Variants in ROBO2 observed in about 807,000 individuals in gnomAD.
The protein encoded by ROBO2 is roundabout homolog 2.
A neutral mutation model predicts 160.8 loss-of-function variants in ROBO2; 53 were observed. That is an observed-to-expected ratio of 0.33 (90% CI 0.26 to 0.41). The LOEUF is 0.41. Among genes scored for constraint, ROBO2 ranks in the 10% least tolerant of loss-of-function variants. ROBO2 has a pLI of 1.00. For synonymous variants in ROBO2, 664 were observed against 611.7 expected (o/e 1.09, Z -1.26); for missense variants, 1,577 against 1,722.4 (o/e 0.92, Z 1.49).
intron 2 of ROBO2, among the ~76,000 whole-genome samples, chr3:77,331,683 C>CTATT (rs1193802552): frequency 2.1e-4 from 29 of 136,232 alleles, no homozygotes; most frequent in South Asian, 4.9e-4. Flanking sequence ...CTTGAAAGGC[C>CTATT]TATTTATTTA....
chr3:77,323,064 T>C (rs111713878), intron 2 of ROBO2, among the ~76,000 whole-genome samples: 39 of 107,778 alleles, frequency 3.6e-4, no homozygotes, highest in Admixed American at 1.1e-3. Flanking sequence ...TATATTATAT[T>C]ATATTATGGA....
intron 2 of ROBO2, among the ~76,000 whole-genome samples, chr3:77,190,824 A>G (rs1375902255): frequency 6.6e-6 from 1 of 152,056 alleles, no homozygotes; most frequent in African/African-American, 2.4e-5. Context: ...AACTTCTAAG[A>G]TGGTAGTAAA....
chr3:77,037,161 C>T (rs2063686441), upstream of ROBO2, among the ~76,000 whole-genome samples: 1 of 152,064 alleles, frequency 6.6e-6, no homozygotes, highest in Non-Finnish European at 1.5e-5. Context: ...GATGTTTGGT[C>T]ATAATCCTAA....
chr3:76,157,058 T>C (rs932104898), intron 2 of ROBO2, among the ~76,000 whole-genome samples: 6 of 152,284 alleles, frequency 3.9e-5, no homozygotes, highest in East Asian at 3.9e-4. Context: ...AAAATTCTTA[T>C]TTATGAACAG....
intron 23 of ROBO2, among the ~76,000 whole-genome samples, chr3:77,628,717 G>C (rs1024688762): frequency 1.3e-5 from 2 of 152,168 alleles, no homozygotes; most frequent in Non-Finnish European, 2.9e-5. Context: ...ATCCCAGACA[G>C]AGAGGCAGAG....
chr3:76,059,916 C>T (rs1392941205), intron 2 of ROBO2, among the ~76,000 whole-genome samples: 1 of 152,034 alleles, frequency 6.6e-6, no homozygotes, highest in African/African-American at 2.4e-5. Flanking sequence ...AATCCTTTCC[C>T]CATTTCTTGT....
At chr3:77,237,186 T>TTC (rs2088140196) in intron 2 of ROBO2, among the ~76,000 whole-genome samples, 2 of 148,470 alleles carry the variant, frequency 1.3e-5, no homozygotes, top group Non-Finnish European at 3.0e-5. Context: ...GACCTTTCTT[T>TTC]TTTTTTTTTT....
intron 2 of ROBO2, among the ~76,000 whole-genome samples, chr3:77,328,383 TG>T (rs1170602413): frequency 2.0e-5 from 3 of 152,216 alleles, no homozygotes; most frequent in Non-Finnish European, 4.4e-5. Flanking sequence ...TGTAAAGTTT[TG>T]TAAGCTGGAG....
chr3:77,193,528 A>G (rs73098062), intron 2 of ROBO2, among the ~76,000 whole-genome samples: 29,347 of 151,142 alleles, frequency 0.19, 3,273 homozygotes, highest in Middle Eastern at 0.31. Context: ...AAGTGATTCC[A>G]ACAGATAACT....
At chr3:75,966,705 A>G (rs780354124) in intron 2 of ROBO2, among the ~76,000 whole-genome samples, 4 of 151,720 alleles carry the variant, frequency 2.6e-5, no homozygotes, top group South Asian at 2.1e-4. Context: ...ATAGCTACAC[A>G]TAACAGGCAT....
At chr3:76,789,087 A>AC (rs1021347145) in intron 2 of ROBO2, among the ~76,000 whole-genome samples, 1 of 151,484 alleles carries the variant, frequency 6.6e-6, no homozygotes, top group African/African-American at 2.4e-5. Context: ...CAGTGGCTTC[A>AC]CATAGGTTAG....
At chr3:76,031,558 A>G (rs1011473230) in intron 2 of ROBO2, among the ~76,000 whole-genome samples, 2 of 152,122 alleles carry the variant, frequency 1.3e-5, no homozygotes, top group Non-Finnish European at 2.9e-5. Context: ...ATTTATTAAG[A>G]GTTTTTAGCA....
intron 2 of ROBO2, among the ~76,000 whole-genome samples, chr3:76,488,690 C>T (rs2079632008): frequency 6.6e-6 from 1 of 151,974 alleles, no homozygotes; most frequent in Non-Finnish European, 1.5e-5. Flanking sequence ...GGAGTGATAT[C>T]CCACCGTATC....
chr3:76,209,326 T>A (rs1319687800), intron 2 of ROBO2, among the ~76,000 whole-genome samples: 2 of 152,186 alleles, frequency 1.3e-5, no homozygotes, highest in African/African-American at 2.4e-5. Context: ...TCTTATTAAC[T>A]AAGGAATTGA....
intron 2 of ROBO2, among the ~76,000 whole-genome samples, chr3:77,028,217 A>G (rs1240174701): frequency 1.3e-5 from 2 of 152,150 alleles, no homozygotes; most frequent in Non-Finnish European, 2.9e-5. Context: ...TCAGAAAACA[A>G]TGATTAACAT....
At chr3:76,256,357 T>TATACAC (rs1553689363) in intron 2 of ROBO2, among the ~76,000 whole-genome samples, 3 of 106,618 alleles carry the variant, frequency 2.8e-5, no homozygotes, top group Non-Finnish European at 3.7e-5. Context: ...CTCTCTCACA[T>TATACAC]ACACACACAC....
At position 77,268,828 on chromosome 3, in the gene ROBO2, A is replaced by C. The variant is rs556572633; in HGVS notation, c.388+170488A>C. 8.5e-5 allele frequency among the ~76,000 whole-genome samples: 13 copies of C among 152,324 alleles called. No homozygotes were observed. The South Asian group carries it at 2.7e-3, about 32-fold the overall frequency. ...CTCTTGGTAGATTTAGCAGCAATTT[A>C]GAGAGCCTGGGGGAGTGTAGGAAGA... On this transcript the variant is annotated intron_variant, in intron 2 of 25. Transcript: ENST00000461745.
At chr3:77,381,114 G>A (rs1436564618) in intron 2 of ROBO2, among the ~76,000 whole-genome samples, 1 of 152,200 alleles carries the variant, frequency 6.6e-6, no homozygotes, top group Non-Finnish European at 1.5e-5. Context: ...AGGAGATCAA[G>A]ACCATCCTGG....
chr3:75,907,934 G>A (rs894875106), intron 1 of ROBO2, among the ~76,000 whole-genome samples: 1 of 151,244 alleles, frequency 6.6e-6, no homozygotes, highest in African/African-American at 2.4e-5. Flanking sequence ...TGGTTTAGAA[G>A]TTTCTTTCTT....
Sources: gnomAD v4.1 joint callset for allele counts (sites outside exome capture counted in the v4.1 genomes callset) on GRCh38, gnomAD v4.1.1 for gene constraint, MANE v1.5 for transcripts, NCBI Gene and HGNC (gene_info 2026-07-23, HGNC 2026-07-21) for gene names.